Variants in EMB observed in about 807,000 individuals in gnomAD.
EMB encodes the protein embigin homolog.
Under a neutral mutation model 41.4 loss-of-function variants are expected in EMB, and 31 were observed. The observed-to-expected ratio is 0.75, with a 90% CI of 0.56 to 1.01. The LOEUF (loss-of-function observed/expected upper bound fraction) is 1.01, where lower values mean the gene tolerates loss of function less well. Ranked by LOEUF, EMB falls within the 50% of genes least tolerant of loss-of-function variation. The pLI, the probability that EMB is intolerant of heterozygous loss-of-function variation, is 0.00. For missense variants in EMB, 379 were observed against 388.3 expected (o/e 0.98, Z 0.20); for synonymous variants, 137 against 140.4 (o/e 0.98, Z 0.17).
At chr5:50,413,597 T>G (rs1745379951) in intron 2 of EMB, among the ~76,000 whole-genome samples, 1 of 151,616 alleles carries the variant, frequency 6.6e-6, no homozygotes, top group South Asian at 2.1e-4. Flanking sequence ...TTTTTTTTTT[T>G]TGAGATGGAG....
chr5:50,407,070 A>T (rs770816075), intron 4 of EMB, among the ~76,000 whole-genome samples: 1 of 151,992 alleles, frequency 6.6e-6, no homozygotes, highest in Non-Finnish European at 1.5e-5. Context: ...CAGGCTTTGC[A>T]TTAGACACTC....
intron 1 of EMB, among the ~76,000 whole-genome samples, chr5:50,434,976 C>G (rs1745780834): frequency 6.6e-6 from 1 of 152,146 alleles, no homozygotes; most frequent in Non-Finnish European, 1.5e-5. Flanking sequence ...AAAGATTACA[C>G]TTTAGAACAA....
At chr5:50,426,112 A>C (rs2111840742) in intron 2 of EMB, among the ~76,000 whole-genome samples, 1 of 152,368 alleles carries the variant, frequency 6.6e-6, no homozygotes, top group Non-Finnish European at 1.5e-5. Flanking sequence ...TGATTTAATA[A>C]TGCTGTTAAA....
intron 1 of EMB, among the ~76,000 whole-genome samples, chr5:50,432,712 A>G (rs1745739989): frequency 6.7e-6 from 1 of 149,378 alleles, no homozygotes; most frequent in Non-Finnish European, 1.5e-5. Context: ...TGGAAATTAT[A>G]CTCCAGAGAG....
At chr5:50,425,400 T>C (rs767507340) in intron 2 of EMB, among the ~76,000 whole-genome samples, 3 of 152,178 alleles carry the variant, frequency 2.0e-5, no homozygotes, top group Non-Finnish European at 4.4e-5. Context: ...CGTTAACAAG[T>C]TGGTCAAGGA....
At chr5:50,403,029 G>T (rs1384033141) in intron 6 of EMB, 149 bp downstream of exon 6, 36 of 698,208 alleles carry the variant, frequency 5.2e-5, no homozygotes, top group Non-Finnish European at 7.6e-5. Flanking sequence ...CCTAAATACT[G>T]CTCCAAATAA....
chr5:50,419,973 G>A (rs1159952297), intron 2 of EMB, among the ~76,000 whole-genome samples: 2 of 152,066 alleles, frequency 1.3e-5, no homozygotes, highest in Non-Finnish European at 2.9e-5. Flanking sequence ...AGTGGGAGCT[G>A]AACAATAAGA....
intron 1 of EMB, chr5:50,428,582 T>C (rs1414215846): frequency 2.0e-6 from 2 of 993,048 alleles, no homozygotes; most frequent in Non-Finnish European, 2.4e-6. Flanking sequence ...TGGAAAGATA[T>C]GAAGAGGCAG....
At chr5:50,402,202 C>G (rs1745173825) in intron 7 of EMB, 84 bp downstream of exon 7, 1 of 1,424,442 alleles carries the variant, frequency 7.0e-7, no homozygotes, top group South Asian at 1.2e-5. Flanking sequence ...CCTTTTCTCC[C>G]CCTAACTGCA....
At chr5:50,437,229 C>A (rs1276816122) in intron 1 of EMB, among the ~76,000 whole-genome samples, 3 of 152,036 alleles carry the variant, frequency 2.0e-5, no homozygotes, top group Non-Finnish European at 4.4e-5. Flanking sequence ...CATGAGTGTG[C>A]CTCGGTACTC....
At chr5:50,422,010 C>T (rs189185742) in intron 2 of EMB, among the ~76,000 whole-genome samples, 5 of 151,514 alleles carry the variant, frequency 3.3e-5, no homozygotes, top group Admixed American at 6.6e-5. Flanking sequence ...CAAATCTGCA[C>T]GTTGTGCACA....
intron 4 of EMB, among the ~76,000 whole-genome samples, chr5:50,407,549 C>T (rs2111783940): frequency 6.6e-6 from 1 of 152,086 alleles, no homozygotes; most frequent in East Asian, 1.9e-4. Flanking sequence ...ATCCCCTAGA[C>T]TAATGACTAA....
At chr5:50,420,670 G>A (rs187227030) in intron 2 of EMB, among the ~76,000 whole-genome samples, 9 of 152,298 alleles carry the variant, frequency 5.9e-5, no homozygotes, top group Non-Finnish European at 1.5e-5. Flanking sequence ...ATGACATCGG[G>A]GGAGGAGGGC....
intron 4 of EMB, among the ~76,000 whole-genome samples, chr5:50,409,795 T>C (rs1383746667): frequency 6.6e-6 from 1 of 151,352 alleles, no homozygotes; most frequent in East Asian, 1.9e-4. Context: ...TAAAGGCAAA[T>C]GGAGGGAAAA....
At chr5:50,419,726 A>G (rs1019965861) in intron 2 of EMB, among the ~76,000 whole-genome samples, 14 of 152,182 alleles carry the variant, frequency 9.2e-5, no homozygotes, top group African/African-American at 3.4e-4. Context: ...TGACACATGC[A>G]CACGTATGTT....
intron 2 of EMB, among the ~76,000 whole-genome samples, chr5:50,426,965 C>A (rs1400651933): frequency 6.6e-6 from 1 of 151,162 alleles, no homozygotes; most frequent in Non-Finnish European, 1.5e-5. Flanking sequence ...AAGCTAGCTG[C>A]TGAAATGACC....
chr5:50,432,729 C>T (rs542665545), intron 1 of EMB, among the ~76,000 whole-genome samples: 2 of 136,960 alleles, frequency 1.5e-5, no homozygotes, highest in South Asian at 4.6e-4. Flanking sequence ...AGAGATTCAT[C>T]CAAAAAAGAA....
chr5:50,424,486 G>A (rs1319235716), intron 2 of EMB, among the ~76,000 whole-genome samples: 1 of 152,130 alleles, frequency 6.6e-6, no homozygotes, highest in African/African-American at 2.4e-5. Context: ...GAAGAGACAG[G>A]TCCCACTTAC....
At chr5:50,403,151 A>T in intron 6 of EMB, 27 bp downstream of exon 6, 1 of 1,419,318 alleles carries the variant, frequency 7.0e-7, no homozygotes, top group East Asian at 2.5e-5. Flanking sequence ...TCTAAAAAAA[A>T]CAAAAAACAA....
Sources: allele counts gnomAD v4.1 joint callset (sites outside exome capture counted in the v4.1 genomes callset), GRCh38; gene constraint gnomAD v4.1.1; transcripts MANE v1.5; gene names NCBI Gene and HGNC (gene_info 2026-07-23, HGNC 2026-07-21).